The following CFAP206 variants were observed in gnomAD, a reference collection of about 807,000 sequenced individuals.
CFAP206 encodes the protein cilia and flagella associated protein 206.
CFAP206 carries 53 observed loss-of-function variants against 65.4 expected under a neutral mutation model. The ratio of observed to expected loss-of-function variants is 0.81; its 90% CI spans 0.65 to 1.02. The LOEUF (loss-of-function observed/expected upper bound fraction) is 1.02. CFAP206 is among the 50% of genes least tolerant of loss of function. The pLI, the probability that CFAP206 is intolerant of heterozygous loss-of-function variation, is 0.00. For synonymous variants in CFAP206, 250 were observed against 254.4 expected, an observed-to-expected ratio of 0.98 and a Z score of 0.17; for missense variants, 663 against 753.2, an observed-to-expected ratio of 0.88 and a Z score of 1.40.
chr6:87,447,112 T>G (rs1768457912), intron 11 of CFAP206, among the ~76,000 whole-genome samples: 1 of 152,192 alleles, frequency 6.6e-6, no homozygotes, highest in Non-Finnish European at 1.5e-5. Context: ...AGTGGGGTTT[T>G]CTAGATAGAG....
rs762227802 is a variant in CFAP206, at chr6:87,415,796, C to T, written c.394C>T (p.Arg132Trp). The T allele has an allele frequency of 5.6e-5, 91 of 1,613,386 alleles. No individual in the cohort carries two copies. The highest frequency in any genetic ancestry group is 1.4e-4 in the South Asian group (13 of 90,966). The change falls in exon 5 of 13, where the codon CGG becomes TGG. Residue 132 changes from arginine to tryptophan, a missense_variant. Physicochemically the swap from Arg to Trp is moderately radical, Grantham distance 101 (BLOSUM62 -3). Coordinates refer to ENST00000369562, the MANE Select transcript of CFAP206 (RefSeq NM_001031743.3). The stretch of plus-strand genomic sequence containing the variant: ...TAAAGAAGAATTGGAAAGCCTCTAC[C>T]GGAAGATTATCAGCTATGTGTTACT... Reference protein sequence around the residue: ...CAKEELESLYRKIISYVLLRS... With the variant: ...CAKEELESLYWKIISYVLLRS...
rs1441875533 is a variant in CFAP206 at position 87,421,401 on chromosome 6, G to A, written c.840+2985G>A. 7.9e-5 allele frequency among the ~76,000 whole-genome samples: 12 copies of A among 152,036 alleles called. No homozygotes were observed. In the East Asian group the frequency reaches 1.4e-3, roughly 17 times the overall value. The stretch of plus-strand genomic sequence containing the variant: ...TTCAGGAGACTGAGGCAGGAGAATC[G>A]CTTGAACCCAGGAGACAGAGGTTGC... On this transcript the variant is annotated intron_variant, in intron 7 of 12. Transcript: ENST00000369562.
chr6:87,463,653 T>A (rs1310874285), intron 12 of CFAP206, among the ~76,000 whole-genome samples: 1 of 152,186 alleles, frequency 6.6e-6, no homozygotes, highest in Admixed American at 6.5e-5. Context: ...GTATAAATCT[T>A]ATATTTTTGT....
chr6:87,451,617 G>C (rs538782917), intron 11 of CFAP206, among the ~76,000 whole-genome samples: 2 of 151,912 alleles, frequency 1.3e-5, no homozygotes, highest in African/African-American at 4.8e-5. Context: ...GCCACAAGGA[G>C]AGACTCTTTC....
intron 12 of CFAP206, among the ~76,000 whole-genome samples, 160 bp downstream of exon 12, chr6:87,461,325 A>T (rs530854950): frequency 3.7e-4 from 57 of 152,206 alleles, no homozygotes; most frequent in Non-Finnish European, 7.8e-4. Flanking sequence ...GGTTTACATT[A>T]TAAGATTGTC....
At chr6:87,447,709 C>A (rs1768467941) in intron 11 of CFAP206, among the ~76,000 whole-genome samples, 1 of 152,062 alleles carries the variant, frequency 6.6e-6, no homozygotes, top group Admixed American at 6.6e-5. Context: ...AGTTAGGGAG[C>A]AGTCTTTCCT....
chr6:87,445,133 G>T, intron 11 of CFAP206: 1 of 398,926 alleles, frequency 2.5e-6, no homozygotes, highest in Non-Finnish European at 4.8e-6. Context: ...TATCATTTGC[G>T]TAATCCATCA....
Position 87,418,381 on chromosome 6 carries a change from A to G in CFAP206, c.805A>G (p.Ile269Val). The G allele has an allele frequency of 6.2e-7, 1 of 1,614,184 alleles. No homozygotes were observed. The highest frequency in any genetic ancestry group is 1.7e-5 in the Admixed American group (1 of 60,028). ...TATGTTAAAAGAAGCGCTATATAAT[A>G]TACGACAATATGAGGTCTTCCTTCA... Reference protein sequence around the residue: ...PYMLKEALYNIRQYEVFLQII... With the variant: ...PYMLKEALYNVRQYEVFLQII... Residue 269 changes from isoleucine (I) to valine (V), a missense_variant, in exon 7 of 13, where the codon ATA (isoleucine) becomes GTA (valine). Coordinates refer to ENST00000369562, the MANE Select transcript of CFAP206 (RefSeq NM_001031743.3).
At chr6:87,439,579 CATT>C (rs1188163468) in intron 11 of CFAP206, among the ~76,000 whole-genome samples, 3 of 151,960 alleles carry the variant, frequency 2.0e-5, no homozygotes, top group South Asian at 2.1e-4. Flanking sequence ...TGTAATTTGT[CATT>C]ATTTTTTCTT....
In CFAP206 at chr6:87,431,103, T is replaced by C; in HGVS notation, c.1230T>C (p.Asp410=). 1 of 1,614,052 alleles carries C rather than the reference T, an allele frequency of 6.2e-7. No individual in the cohort carries two copies. Among genetic ancestry groups the C allele is most frequent in the Non-Finnish European group, 8.5e-7 (1 of 1,179,928 alleles). ...TCCCAGAAACAACAGCAAATTTTGA[T>C]AAACTGTTAATTCAATATCGGGGAT... ...WLFPETTANF[D]KLLIQYRGFC... The change falls in exon 10 of 13, where the codon GAT becomes GAC. Residue 410 remains aspartate (D), a synonymous_variant. Transcript: ENST00000369562.
chr6:87,411,233 A>C (rs968698050), intron 3 of CFAP206, among the ~76,000 whole-genome samples: 1 of 152,248 alleles, frequency 6.6e-6, no homozygotes, highest in Non-Finnish European at 1.5e-5. Context: ...CTAGTTCGTC[A>C]TATACTGTGA....
At position 87,416,790 on chromosome 6, in the gene CFAP206, C is replaced by T. The variant is rs1554220748; in HGVS notation, c.594C>T (p.Asn198=). 3.1e-6 allele frequency: 5 copies of T among 1,613,770 alleles called. No individual in the cohort carries two copies. In the South Asian group the frequency reaches 5.5e-5, roughly 18 times the overall value. ...TMIVTGIRLF[N]RDCGKGGEGI... ...TTGTTACTGGAATTCGTTTATTTAACAGAGACTGTGGAAAAGGAGGAGAAG... is the reference window on the plus strand; with the variant it reads ...TTGTTACTGGAATTCGTTTATTTAATAGAGACTGTGGAAAAGGAGGAGAAG... The change falls in exon 6 of 13, where the codon AAC becomes AAT. Residue 198 remains asparagine (N), a synonymous_variant. Transcript: ENST00000369562.
intron 7 of CFAP206, among the ~76,000 whole-genome samples, chr6:87,423,580 A>G (rs1767987054): frequency 6.6e-6 from 1 of 152,216 alleles, no homozygotes; most frequent in South Asian, 2.1e-4. Context: ...TGTAGGTTTT[A>G]ATAAGTATTG....
At chr6:87,457,163 AAAAG>A (rs1215214036) in intron 11 of CFAP206, among the ~76,000 whole-genome samples, 6 of 151,716 alleles carry the variant, frequency 4.0e-5, no homozygotes, top group East Asian at 3.9e-4. Flanking sequence ...AAAAAAAAAA[AAAAG>A]AAAAGAAATT....
chr6:87,438,759 T>C (rs1449893898), intron 11 of CFAP206, among the ~76,000 whole-genome samples: 1 of 152,216 alleles, frequency 6.6e-6, no homozygotes, highest in Non-Finnish European at 1.5e-5. Context: ...AATTTATTTT[T>C]TACATTGAGA....
intron 4 of CFAP206, 197 bp from the exon 5 acceptor site, chr6:87,415,489 G>T: frequency 1.5e-6 from 1 of 649,644 alleles, no homozygotes; most frequent in Non-Finnish European, 2.8e-6. Context: ...TTAAGTCACT[G>T]TAATAAATCT....
intron 11 of CFAP206, among the ~76,000 whole-genome samples, chr6:87,459,159 T>A (rs1768699646): frequency 6.6e-6 from 1 of 152,118 alleles, no homozygotes; most frequent in South Asian, 2.1e-4. Flanking sequence ...AGCCAACTAC[T>A]TTGAAAAATT....
At chr6:87,438,081 GC>G (rs2127953550) in intron 11 of CFAP206, among the ~76,000 whole-genome samples, 1 of 152,128 alleles carries the variant, frequency 6.6e-6, no homozygotes, top group African/African-American at 2.4e-5. Context: ...GAATACACTT[GC>G]CATAGTAAAC....
At chr6:87,424,530 G>C (rs1462780421) in intron 7 of CFAP206, among the ~76,000 whole-genome samples, 2 of 152,128 alleles carry the variant, frequency 1.3e-5, no homozygotes, top group African/African-American at 4.8e-5. Context: ...GCCTACCTCA[G>C]CCTCCCAAAG....
Sources: gnomAD v4.1 joint callset for allele counts (sites outside exome capture counted in the v4.1 genomes callset) on GRCh38, gnomAD v4.1.1 for gene constraint, MANE v1.5 for transcripts, NCBI Gene and HGNC (gene_info 2026-07-23, HGNC 2026-07-21) for gene names.